The following NEK7 variants were observed in gnomAD, a reference collection of about 807,000 sequenced individuals.
The protein encoded by NEK7 is NIMA related kinase 7, also known as serine/threonine-protein kinase Nek7.
In NEK7, 18 loss-of-function variants were observed where a neutral mutation model predicts 44.6. The ratio of observed to expected loss-of-function variants is 0.40; its 90% CI spans 0.28 to 0.60. The LOEUF (loss-of-function observed/expected upper bound fraction) is 0.60. Among genes scored for constraint, NEK7 ranks in the 20% least tolerant of loss-of-function variants. The pLI is 0.38. For synonymous variants in NEK7, 130 were observed against 121.1 expected (o/e 1.07, Z -0.48); for missense variants, 256 against 366.5 (o/e 0.70, Z 2.46).
In NEK7 at chr1:198,297,226, C is replaced by A; in HGVS notation, c.784C>A (p.His262Asn). The A allele has an allele frequency of 6.2e-7, 1 of 1,613,264 alleles. No individual in the cohort carries two copies. The highest frequency in any genetic ancestry group is 8.5e-7 in the Non-Finnish European group (1 of 1,179,524). Residue 262 changes from histidine (H) to asparagine (N), a missense_variant, in exon 9 of 10, where the codon CAC becomes AAC. Physicochemically the swap from His to Asn is moderately conservative, Grantham distance 68. Around this residue, in one of 3 missense-constraint regions of NEK7, gnomAD observed 58 missense variants for 66.5 expected, o/e 0.87. Coordinates refer to ENST00000367385, the MANE Select transcript of NEK7 (RefSeq NM_133494.3). Reference sequence around the variant, plus strand: ...TGACTACCCACCTCTTCCTTCAGATCACTATTCAGAAGAAGTAAGTCATTT... The same window carrying A: ...TGACTACCCACCTCTTCCTTCAGATAACTATTCAGAAGAAGTAAGTCATTT... ...QCDYPPLPSDHYSEELRQLVN... is the reference protein window; with the variant it reads ...QCDYPPLPSDNYSEELRQLVN...
intron 1 of NEK7, chr1:198,220,892 A>G (rs557343456): frequency 3.9e-5 from 6 of 152,252 alleles, no homozygotes; most frequent in African/African-American, 1.2e-4. Context: ...GTTGTAATCA[A>G]TGAAATGTCT....
intron 2 of NEK7, among the ~76,000 whole-genome samples, chr1:198,240,427 C>A (rs1443243500): frequency 6.6e-6 from 1 of 150,400 alleles, no homozygotes; most frequent in African/African-American, 2.5e-5. Context: ...GAGGATGAGG[C>A]TGATTAATCA....
chr1:198,303,928 C>T (rs931327311), intron 9 of NEK7, among the ~76,000 whole-genome samples: 2 of 152,010 alleles, frequency 1.3e-5, no homozygotes, highest in Non-Finnish European at 2.9e-5. Context: ...TTATCTCAAA[C>T]GCTATTAATA....
intron 1 of NEK7, among the ~76,000 whole-genome samples, chr1:198,168,328 T>C (rs764240140): frequency 6.6e-6 from 1 of 152,234 alleles, no homozygotes; most frequent in South Asian, 2.1e-4. Flanking sequence ...CAACGGTATC[T>C]GGTTAGAAAA....
At chr1:198,316,979 A>G (rs952348199) in intron 9 of NEK7, among the ~76,000 whole-genome samples, 1 of 152,226 alleles carries the variant, frequency 6.6e-6, no homozygotes, top group Non-Finnish European at 1.5e-5. Context: ...GATCATCTAG[A>G]AATGTTGCTG....
At chr1:198,172,744 A>G (rs1377816717) in intron 1 of NEK7, among the ~76,000 whole-genome samples, 1 of 152,224 alleles carries the variant, frequency 6.6e-6, no homozygotes, top group Admixed American at 6.5e-5. Context: ...AGTTATATAT[A>G]AAGTTGTCAT....
intron 1 of NEK7, among the ~76,000 whole-genome samples, chr1:198,203,451 A>G (rs1386910478): frequency 6.6e-6 from 1 of 152,234 alleles, no homozygotes; most frequent in Non-Finnish European, 1.5e-5. Context: ...TGCTCATGGA[A>G]AGGTTTGAGA....
chr1:198,221,504 A>G (rs1666077235), intron 1 of NEK7, among the ~76,000 whole-genome samples: 1 of 151,614 alleles, frequency 6.6e-6, no homozygotes, highest in Non-Finnish European at 1.5e-5. Flanking sequence ...TGCACCAATG[A>G]TTTTTCTTAA....
At chr1:198,294,538 G>A (rs1654655309) in intron 8 of NEK7, among the ~76,000 whole-genome samples, 1 of 152,006 alleles carries the variant, frequency 6.6e-6, no homozygotes, top group Admixed American at 6.6e-5. Flanking sequence ...ATTAAATTTA[G>A]CAATAAAAAA....
At chr1:198,230,508 A>G (rs768244437) in intron 1 of NEK7, among the ~76,000 whole-genome samples, 7 of 152,124 alleles carry the variant, frequency 4.6e-5, no homozygotes, top group Non-Finnish European at 1.0e-4. Flanking sequence ...CCAGCAAACA[A>G]TAGAAGGGAA....
chr1:198,225,449 T>C (rs1023755865), intron 1 of NEK7, among the ~76,000 whole-genome samples: 4 of 152,132 alleles, frequency 2.6e-5, no homozygotes, highest in African/African-American at 9.7e-5. Flanking sequence ...TTGTCTGTAT[T>C]GGTGCAGTAG....
At chr1:198,170,811 A>C (rs1664413698) in intron 1 of NEK7, among the ~76,000 whole-genome samples, 1 of 152,212 alleles carries the variant, frequency 6.6e-6, no homozygotes, top group Admixed American at 6.5e-5. Flanking sequence ...AATAGCAATA[A>C]AAGCTTTAGT....
chr1:198,199,364 C>G (rs1194628085), intron 1 of NEK7, among the ~76,000 whole-genome samples: 2 of 152,200 alleles, frequency 1.3e-5, no homozygotes, highest in Non-Finnish European at 2.9e-5. Context: ...CCATCACTCC[C>G]TGCAGCTTGG....
intron 1 of NEK7, among the ~76,000 whole-genome samples, chr1:198,229,477 C>T (rs77309435): frequency 2.4e-4 from 36 of 152,308 alleles, no homozygotes; most frequent in Admixed American, 2.0e-3. Flanking sequence ...TCCAGAGGCT[C>T]GGACTGTGAC....
chr1:198,240,648 C>T (rs1558072856), intron 2 of NEK7, among the ~76,000 whole-genome samples: 3 of 151,766 alleles, frequency 2.0e-5, no homozygotes, highest in African/African-American at 7.3e-5. Flanking sequence ...TCTTGGTATT[C>T]TTTTTTTTGA....
At chr1:198,204,172 A>G (rs1220710828) in intron 1 of NEK7, among the ~76,000 whole-genome samples, 2 of 152,088 alleles carry the variant, frequency 1.3e-5, no homozygotes, top group Non-Finnish European at 2.9e-5. Flanking sequence ...GAGCGGGAGG[A>G]TCTCTGGAGC....
At chr1:198,250,039 C>T (rs893225716) in intron 2 of NEK7, among the ~76,000 whole-genome samples, 1 of 144,318 alleles carries the variant, frequency 6.9e-6, no homozygotes, top group Non-Finnish European at 1.5e-5. Context: ...TTTAATCCAT[C>T]TTGAATTGAT....
At chr1:198,254,812 T>G (rs930477253) in intron 3 of NEK7, among the ~76,000 whole-genome samples, 1 of 152,164 alleles carries the variant, frequency 6.6e-6, no homozygotes, top group African/African-American at 2.4e-5. Flanking sequence ...TCTTCTCTGT[T>G]TTAATATGCC....
In NEK7 at chr1:198,319,521, A is replaced by G. The variant is rs1226438969; in HGVS notation, c.908A>G (p.Ter303=). The G allele has an allele frequency of 6.2e-7, 1 of 1,607,634 alleles. No homozygotes were observed. Among genetic ancestry groups the G allele is most frequent in the Non-Finnish European group, 8.5e-7 (1 of 1,176,850 alleles). The change falls in exon 10 of 10, where the codon TAA becomes TGA. Residue 303 remains the stop codon, a stop_retained_variant. Transcript: ENST00000367385. ...KRMHACTASS[*] Reference sequence around the variant, plus strand: ...ATGCATGCATGCACTGCAAGCAGCTAAACATGCAAGATCATGAAGAGTGTA... The same window carrying G: ...ATGCATGCATGCACTGCAAGCAGCTGAACATGCAAGATCATGAAGAGTGTA...
Sources: gnomAD v4.1 joint callset for allele counts (sites outside exome capture counted in the v4.1 genomes callset) on GRCh38, gnomAD v4.1.1 for gene constraint, gnomAD v4.1.1 regional missense constraint, MANE v1.5 for transcripts, NCBI Gene and HGNC (gene_info 2026-07-23, HGNC 2026-07-21) for gene names.